Variants in CNTNAP3B observed in about 807,000 individuals in gnomAD.
The protein encoded by CNTNAP3B is contactin-associated protein-like 3B.
CNTNAP3B carries 25 observed loss-of-function variants against 108.9 expected under a neutral mutation model. That is an observed-to-expected ratio of 0.23 (90% confidence interval 0.17 to 0.32). The LOEUF is 0.32. CNTNAP3B is among the 10% of genes least tolerant of loss of function. The pLI is 1.00. For missense variants in CNTNAP3B, 252 were observed against 1,210.4 expected, an observed-to-expected ratio of 0.21 and a Z score of 11.75; for synonymous variants, 103 against 473.4, an observed-to-expected ratio of 0.22 and a Z score of 10.16.
chr9:41,940,994 G>A (rs1398244393), intron 13 of CNTNAP3B, among the ~76,000 whole-genome samples: 3 of 152,100 alleles, frequency 2.0e-5, no homozygotes, highest in Non-Finnish European at 4.4e-5. Context: ...AAATATAATA[G>A]ACTATCCTTA....
At chr9:41,916,080 T>A (rs1416981612) in intron 18 of CNTNAP3B, among the ~76,000 whole-genome samples, 1 of 149,296 alleles carries the variant, frequency 6.7e-6, no homozygotes, top group African/African-American at 2.5e-5. Context: ...TTTTAAAAAA[T>A]CTGAGAAAAG....
At chr9:42,113,668 C>T (rs1429596300) in intron 1 of CNTNAP3B, among the ~76,000 whole-genome samples, 1 of 139,608 alleles carries the variant, frequency 7.2e-6, no homozygotes, top group Non-Finnish European at 1.5e-5. Context: ...TAATAAAGGG[C>T]AATAAATGAT....
At chr9:42,016,480 TGCAGA>T (rs1826213821) in intron 3 of CNTNAP3B, among the ~76,000 whole-genome samples, 1 of 130,270 alleles carries the variant, frequency 7.7e-6, no homozygotes, top group African/African-American at 3.0e-5. Context: ...TTCGAGAGCT[TGCAGA>T]GCAGACATGA....
intron 11 of CNTNAP3B, among the ~76,000 whole-genome samples, chr9:41,961,884 G>A (rs1343431823): frequency 6.6e-6 from 1 of 152,298 alleles, no homozygotes; most frequent in African/African-American, 2.4e-5. Context: ...TGCAGGAGAT[G>A]GACATTGCTA....
chr9:41,973,285 TA>T (rs1363950959), intron 9 of CNTNAP3B, among the ~76,000 whole-genome samples: 1 of 120,658 alleles, frequency 8.3e-6, no homozygotes, highest in Non-Finnish European at 1.8e-5. Context: ...ATAACTCTGT[TA>T]GAAAAAAAAA....
chr9:41,919,602 G>A (rs1390503784), intron 18 of CNTNAP3B, among the ~76,000 whole-genome samples: 394 of 151,780 alleles, frequency 2.6e-3, no homozygotes, highest in Admixed American at 0.021. Flanking sequence ...TTTCTATAAA[G>A]GCCTTTTGAA....
chr9:42,095,607 T>A (rs1325659151), intron 2 of CNTNAP3B, among the ~76,000 whole-genome samples: 1 of 137,908 alleles, frequency 7.3e-6, no homozygotes, highest in East Asian at 2.2e-4. Flanking sequence ...CACAAACTCA[T>A]GAGGGAAAAT....
At chr9:42,013,988 T>C in intron 3 of CNTNAP3B, among the ~76,000 whole-genome samples, 1 of 93,134 alleles carries the variant, frequency 1.1e-5, no homozygotes, top group East Asian at 4.2e-4. Flanking sequence ...ACACCCTTAA[T>C]TTATAAATGA....
intron 10 of CNTNAP3B, among the ~76,000 whole-genome samples, chr9:41,967,176 G>T (rs1825305365): frequency 1.3e-5 from 2 of 151,552 alleles, no homozygotes; most frequent in South Asian, 4.2e-4. Context: ...GATATGGTTT[G>T]GCTGTGTCCC....
chr9:41,918,164 T>A (rs1159252454), intron 18 of CNTNAP3B, among the ~76,000 whole-genome samples: 1 of 150,552 alleles, frequency 6.6e-6, no homozygotes, highest in Non-Finnish European at 1.5e-5. Flanking sequence ...TTACCTCCTC[T>A]TTAAAAATCG....
rs1275937167 is a variant in CNTNAP3B, at chr9:41,932,390, C to A, written c.2238-2946G>T. ...TGTACTTTCCTAGGAAGTGTGAAAA[C>A]TTCTAAAAGCTACTACTTATTATTT... On this transcript the variant is annotated intron_variant, in intron 14 of 23. Transcript: ENST00000377561. Among the ~76,000 whole-genome samples, 44 of 151,970 alleles carry A rather than the reference C, an allele frequency of 2.9e-4. No individual in the cohort carries two copies. The East Asian group carries it at 4.4e-3, about 15-fold the overall frequency.
chr9:41,944,058 A>G (rs1255573722), intron 13 of CNTNAP3B, among the ~76,000 whole-genome samples: 1 of 151,700 alleles, frequency 6.6e-6, no homozygotes, highest in Admixed American at 6.6e-5. Flanking sequence ...CTGTTGAGAG[A>G]AAACACACAC....
intron 13 of CNTNAP3B, among the ~76,000 whole-genome samples, chr9:41,940,376 AG>A (rs1252002943): frequency 6.6e-6 from 1 of 152,294 alleles, no homozygotes; most frequent in Non-Finnish European, 1.5e-5. Flanking sequence ...TGCCTGTAAA[AG>A]AACCCTAATT....
intron 3 of CNTNAP3B, among the ~76,000 whole-genome samples, chr9:42,043,301 G>T (rs1394872839): frequency 9.6e-6 from 1 of 104,612 alleles, no homozygotes; most frequent in Non-Finnish European, 2.0e-5. Context: ...CCGAGTAGCT[G>T]GGATTATAGA....
chr9:41,931,103 C>T (rs1195940069), intron 14 of CNTNAP3B, among the ~76,000 whole-genome samples: 2 of 152,270 alleles, frequency 1.3e-5, no homozygotes, highest in East Asian at 1.9e-4. Flanking sequence ...CTTTTGTATG[C>T]ATTTGTGGCA....
intron 1 of CNTNAP3B, among the ~76,000 whole-genome samples, chr9:42,119,413 T>C (rs1252393390): frequency 1.5e-5 from 2 of 132,516 alleles, no homozygotes; most frequent in Non-Finnish European, 3.2e-5. Flanking sequence ...CCCAAGGTAA[T>C]TTATAGATTC....
chr9:42,115,514 C>T lies in CNTNAP3B; in HGVS notation c.86-10775G>A, dbSNP rs552683899. On this transcript the variant is annotated intron_variant, in intron 1 of 23. Transcript: ENST00000377561. ...AGCCAGGTGCCCCTCTGAGACGAAG[C>T]TTCCAGAGGAAGGATCAGACAGCAA... 1.8e-4 allele frequency among the ~76,000 whole-genome samples: 25 copies of T among 139,500 alleles called. 4 individuals carry two copies. The highest frequency in any genetic ancestry group is 6.2e-4 in the African/African-American group (22 of 35,282). The allele number at this position is 139,500 out of a possible 152,430, so 91.5% of individuals were successfully genotyped here. A position where few individuals can be genotyped will look rare whatever the true frequency, so the allele number is the denominator to read the frequency against.
At chr9:41,933,568 T>C (rs1824046062) in intron 14 of CNTNAP3B, among the ~76,000 whole-genome samples, 2 of 152,298 alleles carry the variant, frequency 1.3e-5, no homozygotes, top group African/African-American at 4.8e-5. Flanking sequence ...GTAATGGTAA[T>C]TATTTTACGA....
In CNTNAP3B at chr9:41,915,710, GT is replaced by G. The variant is rs1193879201; in HGVS notation, c.2995+4359del. On this transcript the variant is annotated intron_variant, in intron 18 of 23. Coordinates refer to ENST00000377561, the MANE Select transcript of CNTNAP3B (RefSeq NM_001201380.3). ...GAAAGGTTACTGGAGTTTGTTAAATGTTTTTTTTTTTCAGCAACAATTAAGA... is the reference window on the plus strand; with the variant it reads ...GAAAGGTTACTGGAGTTTGTTAAATGTTTTTTTTTTCAGCAACAATTAAGA... Among the ~76,000 whole-genome samples the G allele has an allele frequency of 2.5e-3, 339 of 136,436 alleles. 1 individual carries two copies. Among genetic ancestry groups the G allele is most frequent in the East Asian group, 0.013 (64 of 4,840 alleles). The allele number at this position is 136,436 out of a possible 152,430, so 89.5% of individuals were successfully genotyped here.
Sources: allele counts gnomAD v4.1 joint callset (sites outside exome capture counted in the v4.1 genomes callset), GRCh38; gene constraint gnomAD v4.1.1; transcripts MANE v1.5; gene names NCBI Gene and HGNC (gene_info 2026-07-23, HGNC 2026-07-21).